The following EPM2A variants were observed in gnomAD, a reference collection of about 807,000 sequenced individuals.
EPM2A encodes the protein laforin.
In EPM2A, 21 loss-of-function variants were observed where a neutral mutation model predicts 26.5. The ratio of observed to expected loss-of-function variants is 0.79; its 90% CI spans 0.56 to 1.14. The LOEUF (loss-of-function observed/expected upper bound fraction) is 1.14. EPM2A is among the 50% of genes most tolerant of loss of function. The probability of loss-of-function intolerance (pLI) is 0.00; values close to 1 mark genes in which losing one functional copy is unlikely to be tolerated. For missense variants in EPM2A, 458 were observed against 440.8 expected (o/e 1.04, Z -0.35); for synonymous variants, 217 against 177.6 (o/e 1.22, Z -1.76).
At chr6:145,679,757 T>C (rs959573791) in intron 2 of EPM2A, among the ~76,000 whole-genome samples, 2 of 152,100 alleles carry the variant, frequency 1.3e-5, no homozygotes, top group Non-Finnish European at 2.9e-5. Flanking sequence ...ACAAAAACAC[T>C]TGAACATAAA....
rs117044868 is a variant in EPM2A, at chr6:145,626,992, C to G, written c.*424G>C. On this transcript the variant is annotated 3_prime_UTR_variant, in exon 4 of 4. Coordinates refer to ENST00000367519, the MANE Select transcript of EPM2A (RefSeq NM_005670.4). ...CCTCCTTTGGCAACTGACCAGCTCACGCACACATACTAGTGATGAAATCCA... is the reference window on the plus strand; with the variant it reads ...CCTCCTTTGGCAACTGACCAGCTCAGGCACACATACTAGTGATGAAATCCA... 1.6e-3 allele frequency: 1,714 copies of G among 1,082,280 alleles called. 43 individuals carry two copies. In the East Asian group the frequency reaches 0.068, roughly 43 times the overall value. The allele number at this position is 1,082,280 out of a possible 1,614,324, so 67.0% of individuals were successfully genotyped here.
chr6:145,449,217 G>A (rs904812708), intron 4 of EPM2A, among the ~76,000 whole-genome samples: 5 of 152,136 alleles, frequency 3.3e-5, no homozygotes, highest in African/African-American at 7.2e-5. Flanking sequence ...TTTAAATCAA[G>A]TGATTGGAGA....
rs9497308 is a variant in EPM2A, at chr6:145,451,532, T to C, written c.555+50990A>G. 5.2e-3 allele frequency among the ~76,000 whole-genome samples: 791 copies of C among 152,330 alleles called. 3 individuals carry two copies. The highest frequency in any genetic ancestry group is 0.018 in the African/African-American group (758 of 41,568). Reference sequence around the variant, plus strand: ...TCTTTTCCAAATACAGGTATATGTGTAGTCAGATTTTCTTTATATTCTTCA... The same window carrying C: ...TCTTTTCCAAATACAGGTATATGTGCAGTCAGATTTTCTTTATATTCTTCA... On this transcript the variant is annotated intron_variant, in intron 4 of 4. Coordinates refer to the EPM2A transcript ENST00000638717.
At chr6:145,440,834 T>C (rs1779052724) in intron 4 of EPM2A, among the ~76,000 whole-genome samples, 1 of 152,238 alleles carries the variant, frequency 6.6e-6, no homozygotes, top group South Asian at 2.1e-4. Context: ...CCCTATGGCC[T>C]TGCAGGGGAC....
intron 2 of EPM2A, among the ~76,000 whole-genome samples, chr6:145,588,891 A>C (rs1781233703): frequency 6.6e-6 from 1 of 152,216 alleles, no homozygotes; most frequent in East Asian, 1.9e-4. Context: ...GAACTTTACT[A>C]TAAGGAGTTT....
chr6:145,716,065 C>T (rs1318069594), intron 1 of EPM2A, among the ~76,000 whole-genome samples: 1 of 152,164 alleles, frequency 6.6e-6, no homozygotes, highest in East Asian at 1.9e-4. Flanking sequence ...CTCTAGGTTA[C>T]TTATACTATC....
intron 4 of EPM2A, among the ~76,000 whole-genome samples, chr6:145,436,431 A>C (rs1250575257): frequency 6.6e-6 from 1 of 152,202 alleles, no homozygotes; most frequent in Non-Finnish European, 1.5e-5. Flanking sequence ...TATTTTCAAC[A>C]GTGTCTCTAC....
At chr6:145,562,737 T>C (rs6899900) in intron 2 of EPM2A, among the ~76,000 whole-genome samples, 3 of 151,694 alleles carry the variant, frequency 2.0e-5, no homozygotes, top group Non-Finnish European at 2.9e-5. Flanking sequence ...TGCTTCGAAG[T>C]CTTTCTTAGA....
intron 2 of EPM2A, among the ~76,000 whole-genome samples, chr6:145,646,242 C>A (rs1777452402): frequency 6.6e-6 from 1 of 152,018 alleles, no homozygotes; most frequent in South Asian, 2.1e-4. Flanking sequence ...CTGCAACCTC[C>A]ACCTCCTGAA....
At chr6:145,577,663 G>T (rs1471934399) in intron 2 of EPM2A, among the ~76,000 whole-genome samples, 2 of 150,860 alleles carry the variant, frequency 1.3e-5, no homozygotes, top group Non-Finnish European at 2.9e-5. Flanking sequence ...ATTCAACAAA[G>T]AAACCTCAGG....
chr6:145,514,038 G>T (rs192618458), intron 2 of EPM2A, among the ~76,000 whole-genome samples: 1 of 152,316 alleles, frequency 6.6e-6, no homozygotes, highest in Non-Finnish European at 1.5e-5. Context: ...GAGAGGGAGA[G>T]GTTCCCAAAC....
intron 4 of EPM2A, among the ~76,000 whole-genome samples, chr6:145,465,679 C>A (rs1317874559): frequency 6.6e-6 from 1 of 151,718 alleles, no homozygotes; most frequent in Admixed American, 6.6e-5. Context: ...GTTAGTTTTC[C>A]TTCTAACAGA....
chr6:145,468,366 G>C (rs1018737062), intron 4 of EPM2A, among the ~76,000 whole-genome samples: 1 of 152,060 alleles, frequency 6.6e-6, no homozygotes, highest in Non-Finnish European at 1.5e-5. Flanking sequence ...AAAATACAGT[G>C]TGTTCAACAA....
intron 2 of EPM2A, among the ~76,000 whole-genome samples, chr6:145,651,534 GCA>G (rs1157844789): frequency 6.6e-6 from 1 of 152,182 alleles, no homozygotes; most frequent in Non-Finnish European, 1.5e-5. Flanking sequence ...ACTTAGCAAC[GCA>G]CAGTGTTTCT....
At chr6:145,470,437 T>C (rs1020426465) in intron 4 of EPM2A, among the ~76,000 whole-genome samples, 3 of 152,068 alleles carry the variant, frequency 2.0e-5, no homozygotes, top group African/African-American at 7.2e-5. Flanking sequence ...TAGGTAAGAG[T>C]CATCTTTGTT....
chr6:145,554,033 A>G (rs1780688854), intron 2 of EPM2A, among the ~76,000 whole-genome samples: 1 of 151,854 alleles, frequency 6.6e-6, no homozygotes. Flanking sequence ...ATAATGCTTT[A>G]CAGTTGTCAA....
intron 2 of EPM2A, among the ~76,000 whole-genome samples, chr6:145,665,647 C>G (rs1779119464): frequency 6.8e-6 from 1 of 146,414 alleles, no homozygotes; most frequent in African/African-American, 2.6e-5. Context: ...AGAGGGAATC[C>G]TCCCTAACTC....
At chr6:145,429,540 C>A (rs1175822151) in intron 4 of EPM2A, among the ~76,000 whole-genome samples, 9 of 152,020 alleles carry the variant, frequency 5.9e-5, no homozygotes, top group Admixed American at 5.9e-4. Context: ...AATTGTCAAT[C>A]ATGTCAAAAT....
intron 4 of EPM2A, among the ~76,000 whole-genome samples, chr6:145,472,453 C>A (rs916271208): frequency 6.6e-6 from 1 of 151,986 alleles, no homozygotes; most frequent in South Asian, 2.1e-4. Context: ...GAGTACCAAG[C>A]AGGGTCATGG....
Sources: gnomAD v4.1 joint callset for allele counts (sites outside exome capture counted in the v4.1 genomes callset) on GRCh38, gnomAD v4.1.1 for gene constraint, MANE v1.5 for transcripts, NCBI Gene and HGNC (gene_info 2026-07-23, HGNC 2026-07-21) for gene names.